The following DCP1A variants were observed in gnomAD, a reference collection of about 807,000 sequenced individuals.
The protein encoded by DCP1A is mRNA-decapping enzyme 1A.
In DCP1A, 20 loss-of-function variants were observed where a neutral mutation model predicts 58.0. The observed-to-expected ratio is 0.34, with a 90% confidence interval of 0.24 to 0.50. The LOEUF is 0.50. Among genes scored for constraint, DCP1A ranks in the 20% least tolerant of loss-of-function variants. DCP1A has a pLI of 0.98. For missense variants in DCP1A, 613 were observed against 712.2 expected, an observed-to-expected ratio of 0.86 and a Z score of 1.59; for synonymous variants, 285 against 275.1, an observed-to-expected ratio of 1.04 and a Z score of -0.36.
chr3:53,328,427 T>C (rs559024257), intron 3 of DCP1A, among the ~76,000 whole-genome samples: 6 of 152,092 alleles, frequency 3.9e-5, no homozygotes, highest in Non-Finnish European at 7.3e-5. Context: ...AGAAAAAACA[T>C]TTGAAGTATT....
At position 53,325,488 on chromosome 3, in the gene DCP1A, AAAAT is replaced by A. The variant is rs1230526701; in HGVS notation, c.305-6019_305-6016del. 3.3e-5 allele frequency among the ~76,000 whole-genome samples: 5 copies of A among 152,356 alleles called. No homozygotes were observed. The South Asian group carries it at 6.2e-4, about 19-fold the overall frequency. On this transcript the variant is annotated intron_variant, in intron 3 of 9. Coordinates refer to ENST00000610213, the MANE Select transcript of DCP1A (RefSeq NM_018403.7). ...TTTTTCCTGAAACTCTGTGCTTGAGAAAATAAATAAAGAGAAAAAAAGTTATGCA... is the reference window on the plus strand; with the variant it reads ...TTTTTCCTGAAACTCTGTGCTTGAGAAAATAAAGAGAAAAAAAGTTATGCA...
At chr3:53,303,148 A>T (rs574557481) in intron 6 of DCP1A, among the ~76,000 whole-genome samples, 1 of 148,824 alleles carries the variant, frequency 6.7e-6, no homozygotes, top group Non-Finnish European at 1.5e-5. Flanking sequence ...AAGGGGTCTC[A>T]CTATGCTGCC....
At chr3:53,296,326 A>G (rs1707126639) in intron 6 of DCP1A, among the ~76,000 whole-genome samples, 1 of 152,136 alleles carries the variant, frequency 6.6e-6, no homozygotes, top group Non-Finnish European at 1.5e-5. Context: ...GCTATTATAA[A>G]CCTCCTGGTC....
intron 3 of DCP1A, among the ~76,000 whole-genome samples, chr3:53,334,933 T>G (rs2089085057): frequency 6.7e-6 from 1 of 150,264 alleles, no homozygotes; most frequent in South Asian, 2.1e-4. Flanking sequence ...TCTTCAGTCC[T>G]CTCAATATAT....
chr3:53,330,836 T>C (rs1222634403), intron 3 of DCP1A, among the ~76,000 whole-genome samples: 6 of 150,046 alleles, frequency 4.0e-5, no homozygotes, highest in African/African-American at 1.5e-4. Context: ...TTTTTTTTTT[T>C]TTTGAGATGG....
chr3:53,337,349 T>A (rs1553692055), intron 3 of DCP1A, among the ~76,000 whole-genome samples: 1 of 152,186 alleles, frequency 6.6e-6, no homozygotes, highest in Non-Finnish European at 1.5e-5. Flanking sequence ...TATAAGAGAA[T>A]CTGGATAGGC....
rs1553686121 is a variant in DCP1A at position 53,292,246 on chromosome 3, T to TG, written c.1205dup (p.Gln403ThrfsTer3). On this transcript the variant is annotated frameshift_variant, in exon 7 of 10. Coordinates refer to ENST00000610213, the MANE Select transcript of DCP1A (RefSeq NM_018403.7). LOFTEE classifies it high-confidence loss of function. ...GTTGTGTCTGTATTTGGTCATGCTG[T>TG]GGGGTCAACCTGAGTTTCTGGAGAA... is the stretch of plus-strand genomic sequence containing the variant. 1 of 1,614,000 alleles carries TG rather than the reference T, an allele frequency of 6.2e-7. No individual in the cohort carries two copies. The highest frequency in any genetic ancestry group is 8.5e-7 in the Non-Finnish European group (1 of 1,179,890).
intron 4 of DCP1A, among the ~76,000 whole-genome samples, chr3:53,318,185 G>A (rs1707866605): frequency 6.6e-6 from 1 of 152,078 alleles, no homozygotes; most frequent in South Asian, 2.1e-4. Flanking sequence ...CATGCCTGTA[G>A]TCCCAGCTAC....
At position 53,342,283 on chromosome 3, in the gene DCP1A, TA is replaced by T. The variant is rs2089219610; in HGVS notation, c.177-13del. 2 of 1,563,214 alleles carry T rather than the reference TA, an allele frequency of 1.3e-6. No individual in the cohort carries two copies. The highest frequency in any genetic ancestry group is 1.9e-5 in the Admixed American group (1 of 53,540). The stretch of plus-strand genomic sequence containing the variant: ...AAGGGGAAGCTGACCTTAGATTTAA[TA>T]GAAGAAAAAAAAATATGTAGTTACC... On this transcript the variant is annotated splice_polypyrimidine_tract_variant and intron_variant, in intron 2 of 9. Transcript: ENST00000610213.
intron 6 of DCP1A, among the ~76,000 whole-genome samples, chr3:53,298,683 A>G (rs1216064041): frequency 1.3e-5 from 2 of 152,304 alleles, no homozygotes; most frequent in Admixed American, 1.3e-4. Flanking sequence ...TAGGTTACCT[A>G]ATCACCTGGA....
chr3:53,302,306 T>C (rs1707333513), intron 6 of DCP1A, among the ~76,000 whole-genome samples: 1 of 152,204 alleles, frequency 6.6e-6, no homozygotes, highest in Non-Finnish European at 1.5e-5. Flanking sequence ...AAAGTCTACT[T>C]AAAAACCTAC....
In DCP1A at chr3:53,290,778, A is replaced by AAAAC; in HGVS notation, c.1449+12_1449+13insGTTT. 1.6e-6 allele frequency: 2 copies of AAAAC among 1,225,426 alleles called. No homozygotes were observed. Among genetic ancestry groups the AAAAC allele is most frequent in the Non-Finnish European group, 1.2e-6 (1 of 868,598 alleles). 75.9% of individuals were successfully genotyped at this position (1,225,426 alleles called of 1,614,324 possible). On this transcript the variant is annotated intron_variant, in intron 8 of 9. Transcript: ENST00000610213. ...AAAAAAAAAAAAAAAAAAAAAAAAA[A>AAAAC]GCGAGTCCTTACCGGGATGGCACTG...
Position 53,292,739 on chromosome 3 carries a change from TC to T in DCP1A, c.712del (p.Asp238IlefsTer28). The T allele has an allele frequency of 1.2e-6, 2 of 1,613,880 alleles. No individual in the cohort carries two copies. Among genetic ancestry groups the T allele is most frequent in the Non-Finnish European group, 1.7e-6 (2 of 1,179,892 alleles). On this transcript the variant is annotated frameshift_variant, in exon 7 of 10. Coordinates refer to ENST00000610213, the MANE Select transcript of DCP1A (RefSeq NM_018403.7). LOFTEE classifies it high-confidence loss of function. ...PKEQPAVVGL[D>X]SEEMERLPGD... ...TGGCAACCTCTCCATTTCTTCTGAA[TC>T]CAGACCCACAACTGCTGGTTGTTCC...
chr3:53,283,505 C>T lies in DCP1A; in HGVS notation c.*4075G>A. The T allele has an allele frequency of 2.0e-5, 3 of 152,218 alleles. No individual in the cohort carries two copies. The East Asian group carries it at 5.8e-4, about 29-fold the overall frequency. 9.4% of individuals were successfully genotyped at this position (152,218 alleles called of 1,614,324 possible). On this transcript the variant is annotated 3_prime_UTR_variant, in exon 10 of 10. Transcript: ENST00000610213. ...CATATAAAATTTAAGATGAAAAACG[C>T]TCATTTTAAAACATGTAATAACTTA...
In DCP1A at chr3:53,292,209, C is replaced by A. The variant is rs782585435; in HGVS notation, c.1243G>T (p.Gly415Cys). The part of the protein sequence containing the change: ...DQIQTQPLGK[G>C]AMVASFSPAA... The stretch of plus-strand genomic sequence containing the variant: ...GGAGAAAAGCTGGCTACCATTGCAC[C>A]TTTCCCAAGTGGTTGTGTCTGTATT... Residue 415 changes from glycine to cysteine, a missense_variant, in exon 7 of 10, where the codon GGT (glycine) becomes TGT (cysteine). This residue lies in a region of DCP1A where 498 missense variants were observed against 556.7 expected (regional missense o/e 0.89). Coordinates refer to ENST00000610213, the MANE Select transcript of DCP1A (RefSeq NM_018403.7). 1 of 1,614,026 alleles carries A rather than the reference C, an allele frequency of 6.2e-7. No homozygotes were observed. The highest frequency in any genetic ancestry group is 1.3e-5 in the African/African-American group (1 of 75,042).
intron 8 of DCP1A, among the ~76,000 whole-genome samples, chr3:53,290,124 G>C (rs1358400134): frequency 1.3e-5 from 2 of 152,092 alleles, no homozygotes; most frequent in Non-Finnish European, 2.9e-5. Context: ...AAGGAAAACA[G>C]AAATGACTTT....
At chr3:53,314,667 CTTTTT>C (rs1167830951) in intron 4 of DCP1A, among the ~76,000 whole-genome samples, 6 of 86,722 alleles carry the variant, frequency 6.9e-5, no homozygotes, top group East Asian at 3.5e-4. Flanking sequence ...TTTTCTTTTT[CTTTTT>C]TTTTTTTTTT....
rs56054437 is a variant in DCP1A, at chr3:53,336,845, GATTTATTTATTT to G, written c.304+5287_304+5298del. 7.3e-3 allele frequency among the ~76,000 whole-genome samples: 1,056 copies of G among 144,294 alleles called. 14 individuals are homozygous for G. The highest frequency in any genetic ancestry group is 0.024 in the African/African-American group (937 of 38,960). The allele number at this position is 144,294 out of a possible 152,430, so 94.7% of individuals were successfully genotyped here. ...CATCTTCCTTCTAACCCAAAGCCCA[GATTTATTTATTT>G]ATTTATTTATTTATTTATTTATTTA... On this transcript the variant is annotated intron_variant, in intron 3 of 9. Coordinates refer to ENST00000610213, the MANE Select transcript of DCP1A (RefSeq NM_018403.7).
At chr3:53,327,541 G>A (rs1708144327) in intron 3 of DCP1A, among the ~76,000 whole-genome samples, 1 of 152,208 alleles carries the variant, frequency 6.6e-6, no homozygotes, top group African/African-American at 2.4e-5. Context: ...TGTAATCCCA[G>A]CACTTTGGGA....
Sources: allele counts gnomAD v4.1 joint callset (sites outside exome capture counted in the v4.1 genomes callset), GRCh38; gene constraint gnomAD v4.1.1; regional missense constraint gnomAD v4.1.1; transcripts MANE v1.5; gene names NCBI Gene and HGNC (gene_info 2026-07-23, HGNC 2026-07-21).